FOXP2: variants seen among roughly 807,000 people sequenced by gnomAD.
The protein encoded by FOXP2 is forkhead box protein P2.
In FOXP2, 12 loss-of-function variants were observed where a neutral mutation model predicts 115.8. That is an observed-to-expected ratio of 0.10 (90% CI 0.07 to 0.17). The LOEUF (loss-of-function observed/expected upper bound fraction) is 0.17, where lower values mean the gene tolerates loss of function less well. FOXP2 is among the 10% of genes least tolerant of loss of function. The pLI, the probability that FOXP2 is intolerant of heterozygous loss-of-function variation, is 1.00. For synonymous variants in FOXP2, 328 were observed against 297.7 expected (o/e 1.10, Z -1.05); for missense variants, 629 against 843.5 (o/e 0.75, Z 3.15).
At chr7:114,603,436 G>A (rs192230007) in intron 3 of FOXP2, among the ~76,000 whole-genome samples, 12 of 152,284 alleles carry the variant, frequency 7.9e-5, no homozygotes, top group Admixed American at 7.9e-4. Flanking sequence ...TTTTATGCAT[G>A]GCATTTCTGC....
Position 114,421,759 on chromosome 7 carries a change from A to G in FOXP2, c.-10-4743A>G, listed in dbSNP as rs1022116116. On this transcript the variant is annotated intron_variant, in intron 1 of 16. Coordinates refer to ENST00000350908, the MANE Select transcript of FOXP2 (RefSeq NM_014491.4). ...TTTTTGTTCTTACACATTCAACTAT[A>G]TCCTTCATATTTGGCATTTTGATTT... 3.3e-5 allele frequency among the ~76,000 whole-genome samples: 5 copies of G among 151,700 alleles called. No homozygotes were observed. The Admixed American group carries it at 3.3e-4, about 10-fold the overall frequency.
intron 2 of FOXP2, among the ~76,000 whole-genome samples, chr7:114,382,229 C>A (rs555598791): frequency 1.3e-5 from 2 of 152,122 alleles, no homozygotes; most frequent in Non-Finnish European, 1.5e-5. Context: ...GAGAAGGCCG[C>A]GCCAGTGTCC....
intron 1 of FOXP2, among the ~76,000 whole-genome samples, chr7:114,259,128 T>C (rs1795687256): frequency 1.3e-5 from 2 of 152,162 alleles, no homozygotes. Context: ...GATCAACTTA[T>C]TACATTTTGA....
chr7:114,629,567 A>G lies in FOXP2; in HGVS notation c.397-238A>G. On this transcript the variant is annotated intron_variant, in intron 4 of 16. Coordinates refer to ENST00000350908, the MANE Select transcript of FOXP2 (RefSeq NM_014491.4). ...ATTTGGCTCTGACCCTTTAGAATAC[A>G]GACTTTCTATACCCTTTTGTTTAGG... 3.3e-6 allele frequency: 5 copies of G among 1,535,336 alleles called. No homozygotes were observed. The South Asian group carries it at 4.7e-5, about 15-fold the overall frequency.
chr7:114,626,544 T>C (rs2129325973), intron 3 of FOXP2, among the ~76,000 whole-genome samples: 1 of 147,056 alleles, frequency 6.8e-6, no homozygotes, highest in Non-Finnish European at 1.5e-5. Flanking sequence ...TCTCTCTCTC[T>C]CTCTCTCTGT....
At chr7:114,631,179 G>T in intron 5 of FOXP2, 1 of 306,316 alleles carries the variant, frequency 3.3e-6, no homozygotes. Flanking sequence ...AAAAAAGTGT[G>T]TCGTAGAAGT....
rs1327608541 is a variant in FOXP2, at chr7:114,500,930, GT to G, written c.169-33680del. ...GCCTGTTCGTTTATCACATTTATCAGTTTTTTTATCCATTCTATTCTATAAA... is the reference window on the plus strand; with the variant it reads ...GCCTGTTCGTTTATCACATTTATCAGTTTTTTATCCATTCTATTCTATAAA... On this transcript the variant is annotated intron_variant, in intron 2 of 16. Transcript: ENST00000350908. Among the ~76,000 whole-genome samples, 30 of 152,186 alleles carry G rather than the reference GT, an allele frequency of 2.0e-4. 1 individual carries two copies. The highest frequency in any genetic ancestry group is 1.9e-3 in the South Asian group (9 of 4,824).
chr7:114,410,858 T>C (rs1793145370), upstream of FOXP2, among the ~76,000 whole-genome samples: 1 of 151,790 alleles, frequency 6.6e-6, no homozygotes, highest in Non-Finnish European at 1.5e-5. Context: ...AAATAGTAGA[T>C]GAAGGTGGCA....
At chr7:114,603,000 A>T (rs1803113993) in intron 3 of FOXP2, among the ~76,000 whole-genome samples, 1 of 152,206 alleles carries the variant, frequency 6.6e-6, no homozygotes, top group African/African-American at 2.4e-5. Context: ...TGACAACTTG[A>T]GTACAAGACA....
chr7:114,667,067 A>T (rs374142117), intron 16 of FOXP2: 24 of 152,302 alleles, frequency 1.6e-4, no homozygotes, highest in African/African-American at 5.5e-4. Flanking sequence ...AGTCATTGAC[A>T]ATCCATTTTC....
rs575944742 is a variant in FOXP2 at position 114,153,137 on chromosome 7, T to G, written c.-246-9807T>G. Among the ~76,000 whole-genome samples, 4 of 152,302 alleles carry G rather than the reference T, an allele frequency of 2.6e-5. No individual in the cohort carries two copies. In the East Asian group the frequency reaches 5.8e-4, roughly 22 times the overall value. ...TTAGATTTGTGAATTATTGTCTTGT[T>G]TGACTTTGGCATATTAGAAATAAAA... On this transcript the variant is annotated intron_variant, in intron 1 of 19. Transcript: ENST00000635638.
At chr7:114,591,856 T>C (rs1802452280) in intron 3 of FOXP2, among the ~76,000 whole-genome samples, 1 of 152,078 alleles carries the variant, frequency 6.6e-6, no homozygotes, top group South Asian at 2.1e-4. Context: ...ATGATGAGTA[T>C]ATTCTATATC....
chr7:114,378,300 A>G (rs1584678393), intron 2 of FOXP2, among the ~76,000 whole-genome samples: 1 of 152,138 alleles, frequency 6.6e-6, no homozygotes, highest in African/African-American at 2.4e-5. Context: ...ATACATTGCT[A>G]AATCTTGACT....
intron 3 of FOXP2, chr7:114,560,990 C>G (rs1800731796): frequency 6.6e-6 from 1 of 152,194 alleles, no homozygotes; most frequent in African/African-American, 2.4e-5. Flanking sequence ...AGAGCAGAAT[C>G]TAATAGGCTG....
At chr7:114,476,536 T>C (rs552248776) in intron 2 of FOXP2, among the ~76,000 whole-genome samples, 1 of 152,132 alleles carries the variant, frequency 6.6e-6, no homozygotes, top group African/African-American at 2.4e-5. Context: ...TGTAGTGTAG[T>C]TTGAAGTTTG....
chr7:114,660,933 C>T lies in FOXP2; in HGVS notation c.1648-1132C>T, dbSNP rs1422777368. Reference sequence around the variant, plus strand: ...AACAGCTTATTAGTTCTAACTATATCGCATGCATAATAAAACTGCTCATTT... The same window carrying T: ...AACAGCTTATTAGTTCTAACTATATTGCATGCATAATAAAACTGCTCATTT... On this transcript the variant is annotated intron_variant, in intron 13 of 16. Coordinates refer to ENST00000350908, the MANE Select transcript of FOXP2 (RefSeq NM_014491.4). Among the ~76,000 whole-genome samples, 9 of 152,024 alleles carry T rather than the reference C, an allele frequency of 5.9e-5. No homozygotes were observed. The East Asian group carries it at 7.7e-4, about 13-fold the overall frequency.
intron 2 of FOXP2, among the ~76,000 whole-genome samples, chr7:114,379,529 C>G (rs571208748): frequency 6.6e-6 from 1 of 151,970 alleles, no homozygotes; most frequent in Non-Finnish European, 1.5e-5. Flanking sequence ...GAGATTTTCT[C>G]GGGAGGGGTG....
intron 1 of FOXP2, among the ~76,000 whole-genome samples, chr7:114,176,232 T>TC (rs1562992727): frequency 1.8e-4 from 27 of 146,756 alleles, no homozygotes; most frequent in African/African-American, 6.2e-4. Context: ...TTGTCTTGTC[T>TC]TTTCTTTCTT....
intron 2 of FOXP2, among the ~76,000 whole-genome samples, chr7:114,330,474 A>T (rs1176018841): frequency 7.6e-6 from 1 of 132,450 alleles, no homozygotes; most frequent in East Asian, 2.8e-4. Flanking sequence ...CTCTAAAAAA[A>T]AAAAAGTTTA....
Sources: allele counts gnomAD v4.1 joint callset (sites outside exome capture counted in the v4.1 genomes callset), GRCh38; gene constraint gnomAD v4.1.1; transcripts MANE v1.5; gene names NCBI Gene and HGNC (gene_info 2026-07-23, HGNC 2026-07-21).